SEC61A1: variants seen among roughly 807,000 people sequenced by gnomAD.
SEC61A1 encodes SEC61 translocon subunit alpha 1, also known as protein transport protein Sec61 subunit alpha isoform 1.
SEC61A1 carries 15 observed loss-of-function variants against 55.2 expected under a neutral mutation model. The ratio of observed to expected loss-of-function variants is 0.27; its 90% CI spans 0.18 to 0.42. SEC61A1 has a LOEUF of 0.42. Among genes scored for constraint, SEC61A1 ranks in the 10% least tolerant of loss-of-function variants. SEC61A1 has a pLI of 1.00. For missense variants in SEC61A1, 284 were observed against 602.6 expected, an observed-to-expected ratio of 0.47 and a Z score of 5.53; for synonymous variants, 247 against 234.0, an observed-to-expected ratio of 1.06 and a Z score of -0.51.
In SEC61A1 at chr3:128,052,495, G is replaced by A. The variant is rs1278007130; in HGVS notation, c.-58G>A. On this transcript the variant is annotated 5_prime_UTR_variant, in exon 1 of 12. Coordinates refer to ENST00000243253, the MANE Select transcript of SEC61A1 (RefSeq NM_013336.4). ...AACGCGCTGGGCCGCGGGCAGCGTC[G>A]CCTCACGCGGAGCAGAGCTGAGCTG... 3 of 1,570,086 alleles carry A rather than the reference G, an allele frequency of 1.9e-6. No individual in the cohort carries two copies. Among genetic ancestry groups the A allele is most frequent in the Non-Finnish European group, 2.6e-6 (3 of 1,159,392 alleles).
intron 2 of SEC61A1, among the ~76,000 whole-genome samples, chr3:128,054,735 C>T (rs558090054): frequency 1.3e-5 from 2 of 152,268 alleles, no homozygotes; most frequent in East Asian, 1.9e-4. Flanking sequence ...CCCTCTAAAG[C>T]CATTAATGTA....
chr3:128,052,380 G>A (rs1941696146), upstream of SEC61A1: 1 of 1,131,120 alleles, frequency 8.8e-7, no homozygotes, highest in South Asian at 4.4e-5. Flanking sequence ...GCGATCCGAG[G>A]CCCGGCCCCG....
chr3:128,065,054 C>T lies in SEC61A1; in HGVS notation c.777+17C>T. On this transcript the variant is annotated intron_variant, in intron 8 of 11. Transcript: ENST00000243253. Reference sequence around the variant, plus strand: ...TATTTCCAGGTGTGTCCAGATCCAACCCCAGGGAGTTTCCATGGTCTGGAT... The same window carrying T: ...TATTTCCAGGTGTGTCCAGATCCAATCCCAGGGAGTTTCCATGGTCTGGAT... 2 of 1,613,676 alleles carry T rather than the reference C, an allele frequency of 1.2e-6. No individual in the cohort carries two copies. Among genetic ancestry groups the T allele is most frequent in the East Asian group, 2.2e-5 (1 of 44,892 alleles).
In SEC61A1 at chr3:128,052,437, G is replaced by C; in HGVS notation, c.-116G>C. On this transcript the variant is annotated 5_prime_UTR_variant, in exon 1 of 12. Transcript: ENST00000243253. ...CGCCGCTTGCCGCCGGGCTAGCACTGACGTGTCTCTCGGCGGAGCTGCTGT... is the reference window on the plus strand; with the variant it reads ...CGCCGCTTGCCGCCGGGCTAGCACTCACGTGTCTCTCGGCGGAGCTGCTGT... The C allele has an allele frequency of 7.1e-7, 1 of 1,418,114 alleles. No homozygotes were observed. The highest frequency in any genetic ancestry group is 1.5e-5 in the African/African-American group (1 of 66,834). The allele number at this position is 1,418,114 out of a possible 1,614,324, so 87.8% of individuals were successfully genotyped here.
intron 5 of SEC61A1, 77 bp downstream of exon 5, chr3:128,056,917 T>C (rs1259526047): frequency 8.5e-7 from 1 of 1,174,280 alleles, no homozygotes; most frequent in Non-Finnish European, 1.1e-6. Flanking sequence ...TATCAGTTTT[T>C]CTTTTTTTAT....
chr3:128,069,953 T>G lies in SEC61A1; in HGVS notation c.*291T>G. ...GTCCATGTAACTTTTGTTTTAACCT[T>G]TGCACCTTCTCAGTGCTGTATGCGG... On this transcript the variant is annotated 3_prime_UTR_variant, in exon 12 of 12. Transcript: ENST00000243253. The G allele has an allele frequency of 3.3e-6, 1 of 305,260 alleles. No homozygotes were observed. Among genetic ancestry groups the G allele is most frequent in the Non-Finnish European group, 6.1e-6 (1 of 164,104 alleles). 18.9% of individuals were successfully genotyped at this position (305,260 alleles called of 1,614,324 possible).
intron 7 of SEC61A1, among the ~76,000 whole-genome samples, chr3:128,062,798 T>A (rs1287646607): frequency 6.6e-6 from 1 of 152,202 alleles, no homozygotes; most frequent in Non-Finnish European, 1.5e-5. Context: ...AAAGTGAAAG[T>A]TGGAAGATTT....
chr3:128,060,114 T>A lies in SEC61A1; in HGVS notation c.365T>A (p.Ile122Asn). ...CTTTCAATTCTAGTATTTGGCATGA[T>A]CATTACTATCGGCCAGTCTATCGTG... ...FNGAQKLFGM[I>N]ITIGQSIVYV... The change falls in exon 6 of 12, where the codon ATC (isoleucine) becomes AAC (asparagine). Residue 122 changes from isoleucine (I) to asparagine (N), a missense_variant. Physicochemically the swap from Ile to Asn is moderately radical, Grantham distance 149. Transcript: ENST00000243253. 1.2e-6 allele frequency: 2 copies of A among 1,612,774 alleles called. No homozygotes were observed. The highest frequency in any genetic ancestry group is 1.7e-6 in the Non-Finnish European group (2 of 1,178,744).
chr3:128,068,298 G>A (rs1334971559), intron 11 of SEC61A1, among the ~76,000 whole-genome samples: 1 of 152,272 alleles, frequency 6.6e-6, no homozygotes, highest in African/African-American at 2.4e-5. Flanking sequence ...GGAGATGGAA[G>A]CATGTGGCCA....
rs1177712278 is a variant in SEC61A1 at position 128,066,989 on chromosome 3, C to T, written c.813C>T (p.Arg271=). The T allele has an allele frequency of 6.2e-7, 1 of 1,614,202 alleles. No homozygotes were observed. ...FRVDLPIKSA[R]YRGQYNTYPI... ...TGGACCTGCCAATCAAGTCGGCCCG[C>T]TACCGTGGCCAGTACAACACCTATC... Residue 271 remains arginine (R), a synonymous_variant, in exon 9 of 12, where the codon CGC becomes CGT. Transcript: ENST00000243253.
chr3:128,059,451 C>T (rs1389998071), intron 5 of SEC61A1, among the ~76,000 whole-genome samples: 5 of 148,496 alleles, frequency 3.4e-5, no homozygotes, highest in Admixed American at 1.4e-4. Flanking sequence ...CCAGCCTGGG[C>T]GACAGAGACT....
chr3:128,054,456 A>G (rs1438172894), intron 2 of SEC61A1, among the ~76,000 whole-genome samples: 2 of 152,206 alleles, frequency 1.3e-5, no homozygotes, highest in African/African-American at 4.8e-5. Flanking sequence ...AGAGAAGAAG[A>G]GTCCTGTGAA....
At chr3:128,058,439 C>T (rs998486360) in intron 5 of SEC61A1, among the ~76,000 whole-genome samples, 5 of 152,116 alleles carry the variant, frequency 3.3e-5, no homozygotes, top group African/African-American at 1.2e-4. Context: ...CAGTCTCGAT[C>T]TCCTGACTTC....
At position 128,067,882 on chromosome 3, in the gene SEC61A1, C is replaced by A; in HGVS notation, c.1168-101C>A. Reference sequence around the variant, plus strand: ...TTAAAGTTCTCTGTATGAATATTGTCAGTGCTCGAAGAGGCGATCTGTAAC... The same window carrying A: ...TTAAAGTTCTCTGTATGAATATTGTAAGTGCTCGAAGAGGCGATCTGTAAC... On this transcript the variant is annotated intron_variant, in intron 10 of 11. Transcript: ENST00000243253. This position sits in a 1 kb window ranked among gnomAD's most constrained non-coding sequence, Gnocchi z 4.1. 1 of 905,778 alleles carries A rather than the reference C, an allele frequency of 1.1e-6. No homozygotes were observed. Among genetic ancestry groups the A allele is most frequent in the South Asian group, 1.4e-5 (1 of 73,758 alleles). The allele number at this position is 905,778 out of a possible 1,614,324, so 56.1% of individuals were successfully genotyped here. A position where few individuals can be genotyped will look rare whatever the true frequency, so the allele number is the denominator to read the frequency against.
At chr3:128,055,835 A>G (rs1941761938) in intron 4 of SEC61A1, 84 bp downstream of exon 4, 28 of 1,121,712 alleles carry the variant, frequency 2.5e-5, no homozygotes, top group Non-Finnish European at 3.6e-5. Flanking sequence ...TTGGCTTTAT[A>G]TGGAACTTAG....
At chr3:128,060,351 A>C in intron 6 of SEC61A1, 140 bp downstream of exon 6, 1 of 1,048,220 alleles carries the variant, frequency 9.5e-7, no homozygotes, top group Non-Finnish European at 1.4e-6. Context: ...AGCCCTCTGA[A>C]TTCAGCAGAG....
rs750008655 is a variant in SEC61A1, at chr3:128,067,400, G to A, written c.976-21G>A. ...GTAAAATGAAGGAGCACTCACATGC[G>A]TTTGGTTTCTTCTTCCCCAGGACAC... On this transcript the variant is annotated intron_variant, in intron 9 of 11. Transcript: ENST00000243253. This position sits in a 1 kb window ranked among gnomAD's most constrained non-coding sequence, Gnocchi z 4.1. 8 of 1,601,316 alleles carry A rather than the reference G, an allele frequency of 5.0e-6. No homozygotes were observed. In the African/African-American group the frequency reaches 5.4e-5, roughly 11 times the overall value.
At position 128,069,648 on chromosome 3, in the gene SEC61A1, G is replaced by T; in HGVS notation, c.1417G>T (p.Ala473Ser). The T allele has an allele frequency of 6.2e-7, 1 of 1,614,046 alleles. No homozygotes were observed. ...KEQSEVGSMG[A>S]LLF ...GCAAAGCGAGGTTGGCAGCATGGGG[G>T]CCCTGCTCTTCTGAGCCCGTCTCCC... The change falls in exon 12 of 12, where the codon GCC becomes TCC. Residue 473 changes from alanine (A) to serine (S), a missense_variant. By Grantham distance (99) the Ala-to-Ser change is moderately conservative. Transcript: ENST00000243253.
intron 2 of SEC61A1, among the ~76,000 whole-genome samples, chr3:128,053,452 A>T (rs1354209831): frequency 6.6e-6 from 1 of 152,150 alleles, no homozygotes; most frequent in East Asian, 1.9e-4. Flanking sequence ...TTAAATTTAG[A>T]GCTGTGCTGA....
Sources: allele counts gnomAD v4.1 joint callset (sites outside exome capture counted in the v4.1 genomes callset), GRCh38; gene constraint gnomAD v4.1.1; non-coding constraint Gnocchi (gnomAD v3.1); transcripts MANE v1.5; gene names NCBI Gene and HGNC (gene_info 2026-07-23, HGNC 2026-07-21).